The following PEMT variants were observed in gnomAD, a reference collection of about 807,000 sequenced individuals.
PEMT encodes phosphatidylethanolamine N-methyltransferase, also known as phospholipid methyltransferase.
A neutral mutation model predicts 27.4 loss-of-function variants in PEMT; 23 were observed. That is an observed-to-expected ratio of 0.84 (90% CI 0.60 to 1.19). PEMT has a LOEUF of 1.19. Among genes scored for constraint, PEMT ranks in the 50% most tolerant of loss-of-function variants. The pLI is 0.00. For synonymous variants in PEMT, 137 were observed against 139.1 expected (o/e 0.98, Z 0.11); for missense variants, 307 against 310.1 (o/e 0.99, Z 0.07).
At chr17:17,528,239 T>C (rs1243593338) in intron 2 of PEMT, among the ~76,000 whole-genome samples, 1 of 152,168 alleles carries the variant, frequency 6.6e-6, no homozygotes, top group Non-Finnish European at 1.5e-5. Flanking sequence ...ATCTCGCTTC[T>C]ACAGCTGGAC....
At chr17:17,573,962 TG>T (rs1470361021) in intron 2 of PEMT, among the ~76,000 whole-genome samples, 1 of 151,874 alleles carries the variant, frequency 6.6e-6, no homozygotes, top group Non-Finnish European at 1.5e-5. Flanking sequence ...TTGTATTTTT[TG>T]TAGTGGCAGG....
chr17:17,517,860 G>T, intron 3 of PEMT: 1 of 486,538 alleles, frequency 2.1e-6, no homozygotes, highest in Non-Finnish European at 2.7e-6. Flanking sequence ...ACTCCTCCAG[G>T]CCTTGGTCGT....
At chr17:17,573,713 C>T (rs546223698) in intron 2 of PEMT, among the ~76,000 whole-genome samples, 1 of 152,062 alleles carries the variant, frequency 6.6e-6, no homozygotes, top group Non-Finnish European at 1.5e-5. Context: ...CCTATGGATA[C>T]CCAGGGACAA....
At chr17:17,557,229 C>T (rs73298547) in intron 2 of PEMT, among the ~76,000 whole-genome samples, 4,227 of 152,282 alleles carry the variant, frequency 0.028, 153 homozygotes, top group African/African-American at 0.083. Context: ...TTCTTGCCGC[C>T]ACCTCCCCAG....
intron 2 of PEMT, among the ~76,000 whole-genome samples, chr17:17,524,192 C>A (rs1489293994): frequency 6.6e-6 from 1 of 152,200 alleles, no homozygotes; most frequent in Non-Finnish European, 1.5e-5. Flanking sequence ...GCAGCACTGT[C>A]CACGGTGACC....
chr17:17,525,264 C>T (rs545834523), intron 2 of PEMT, among the ~76,000 whole-genome samples: 1 of 152,314 alleles, frequency 6.6e-6, no homozygotes, highest in Admixed American at 6.5e-5. Context: ...AACAATCTAA[C>T]GACAACAGAA....
Position 17,512,658 on chromosome 17 carries a change from T to C in PEMT, c.321-4A>G. The C allele has an allele frequency of 6.6e-7, 1 of 1,517,226 alleles. No homozygotes were observed. The highest frequency in any genetic ancestry group is 8.9e-7 in the Non-Finnish European group (1 of 1,124,456). 94.0% of individuals were successfully genotyped at this position (1,517,226 alleles called of 1,614,324 possible). A position where few individuals can be genotyped will look rare whatever the true frequency, so the allele number is the denominator to read the frequency against. ...GCTCAGCATGGCCTGCGTGAAGCTG[T>C]GGGCAGGGGATGGAGAGGGAGGACG... On this transcript the variant is annotated splice_polypyrimidine_tract_variant and splice_region_variant and intron_variant, in intron 3 of 6. Coordinates refer to ENST00000255389, the MANE Select transcript of PEMT (RefSeq NM_148172.3). This position sits in a 1 kb window ranked among gnomAD's most constrained non-coding sequence, Gnocchi z 6.3.
chr17:17,558,381 G>A (rs938506953), intron 2 of PEMT, among the ~76,000 whole-genome samples: 9 of 152,196 alleles, frequency 5.9e-5, no homozygotes, highest in East Asian at 5.8e-4. Flanking sequence ...GGTGGCACAC[G>A]CCTGTAATCC....
chr17:17,526,518 C>T (rs1450810539), intron 2 of PEMT, among the ~76,000 whole-genome samples: 1 of 152,246 alleles, frequency 6.6e-6, no homozygotes, highest in Non-Finnish European at 1.5e-5. Flanking sequence ...TGGCATGTGG[C>T]CCAGGACATG....
At chr17:17,550,101 ACT>A (rs772268834) in intron 2 of PEMT, among the ~76,000 whole-genome samples, 1 of 151,300 alleles carries the variant, frequency 6.6e-6, no homozygotes, top group South Asian at 2.1e-4. Context: ...GGGCACAGAG[ACT>A]CTCTCTCCTC....
chr17:17,512,845 G>C lies in PEMT; in HGVS notation c.321-191C>G, dbSNP rs965505266. Among the ~76,000 whole-genome samples, 2 of 152,170 alleles carry C rather than the reference G, an allele frequency of 1.3e-5. No individual in the cohort carries two copies. ...GAGGTGGGTGACAGTAACAGGGAGG[G>C]GCCCAGGCCTGTCAGATTTTTAAAT... is the stretch of plus-strand genomic sequence containing the variant. On this transcript the variant is annotated intron_variant, in intron 3 of 6. Transcript: ENST00000255389. The surrounding 1 kb of genome is among the most constrained non-coding windows in gnomAD (Gnocchi z 6.3).
intron 1 of PEMT, 197 bp downstream of exon 1, chr17:17,591,334 C>G (rs1371274615): frequency 3.6e-6 from 2 of 561,312 alleles, no homozygotes; most frequent in African/African-American, 3.9e-5. Context: ...GAGGTTTACA[C>G]GCGCGCGCAC....
chr17:17,551,591 C>G (rs188001620), intron 2 of PEMT, among the ~76,000 whole-genome samples: 4 of 152,320 alleles, frequency 2.6e-5, no homozygotes, highest in African/African-American at 9.6e-5. Flanking sequence ...ACTGGCCTGT[C>G]ACAGGATGCC....
chr17:17,528,575 A>G (rs1181658313), intron 2 of PEMT, among the ~76,000 whole-genome samples: 1 of 152,176 alleles, frequency 6.6e-6, no homozygotes, highest in East Asian at 1.9e-4. Flanking sequence ...GAGGGGCCCT[A>G]AGGCCCCCAG....
At chr17:17,586,216 A>AAGAAAG (rs1390670770) in intron 1 of PEMT, among the ~76,000 whole-genome samples, 6 of 79,324 alleles carry the variant, frequency 7.6e-5, no homozygotes, top group African/African-American at 2.1e-4. Flanking sequence ...GAAAGAAAGA[A>AAGAAAG]AAAGAAAGAA....
At chr17:17,555,291 T>C (rs1393691082) in intron 2 of PEMT, among the ~76,000 whole-genome samples, 2 of 152,004 alleles carry the variant, frequency 1.3e-5, no homozygotes, top group African/African-American at 4.8e-5. Context: ...CAGAGCTGCC[T>C]GGAGACAGCA....
At chr17:17,591,949 C>A, upstream of PEMT, 1 of 985,448 alleles carries the variant, frequency 1.0e-6, no homozygotes, top group Non-Finnish European at 1.2e-6. Context: ...GGCTGCCGCA[C>A]CCGAGCCTGT....
chr17:17,579,452 C>A (rs28652618), intron 1 of PEMT, among the ~76,000 whole-genome samples: 1 of 151,990 alleles, frequency 6.6e-6, no homozygotes, highest in South Asian at 2.1e-4. Flanking sequence ...CCGAGGTGGG[C>A]GGATCACCTG....
At chr17:17,587,979 G>A (rs1294858631) in intron 1 of PEMT, among the ~76,000 whole-genome samples, 8 of 152,112 alleles carry the variant, frequency 5.3e-5, no homozygotes, top group Admixed American at 5.2e-4. Flanking sequence ...ATATACAAAG[G>A]ATAATATGTT....
Sources: gnomAD v4.1 joint callset for allele counts (sites outside exome capture counted in the v4.1 genomes callset) on GRCh38, gnomAD v4.1.1 for gene constraint, Gnocchi (gnomAD v3.1) non-coding constraint, MANE v1.5 for transcripts, NCBI Gene and HGNC (gene_info 2026-07-23, HGNC 2026-07-21) for gene names.